The following HTR3C variants were observed in gnomAD, a reference collection of about 807,000 sequenced individuals.
HTR3C encodes the protein 5-hydroxytryptamine receptor 3C, also known as 5-HT3-C.
HTR3C carries 32 observed loss-of-function variants against 40.5 expected under a neutral mutation model. The ratio of observed to expected loss-of-function variants is 0.79; its 90% confidence interval spans 0.60 to 1.06. The LOEUF (loss-of-function observed/expected upper bound fraction) is 1.06. Ranked by LOEUF, HTR3C falls within the 50% of genes least tolerant of loss-of-function variation. The pLI, the probability that HTR3C is intolerant of heterozygous loss-of-function variation, is 0.00. For missense variants in HTR3C, 523 were observed against 556.8 expected, an observed-to-expected ratio of 0.94 and a Z score of 0.61; for synonymous variants, 209 against 217.1, an observed-to-expected ratio of 0.96 and a Z score of 0.33.
At position 184,060,537 on chromosome 3, in the gene HTR3C, G is replaced by T. The variant is rs542012738; in HGVS notation, c.*185G>T. 2 of 670,242 alleles carry T rather than the reference G, an allele frequency of 3.0e-6. No individual in the cohort carries two copies. The highest frequency in any genetic ancestry group is 2.8e-5 in the East Asian group (1 of 36,002). The allele number at this position is 670,242 out of a possible 1,614,324, so 41.5% of individuals were successfully genotyped here. On this transcript the variant is annotated 3_prime_UTR_variant, in exon 9 of 9. Transcript: ENST00000318351. ...GACAGCCCTGGACGATTTCCCGACCGCTGCTCAGGCTGCTCATTCCTGCTC... is the reference window on the plus strand; with the variant it reads ...GACAGCCCTGGACGATTTCCCGACCTCTGCTCAGGCTGCTCATTCCTGCTC...
At chr3:184,055,450 AC>A (rs1723303956) in intron 3 of HTR3C, 94 bp downstream of exon 3, 1 of 950,146 alleles carries the variant, frequency 1.1e-6, no homozygotes. Context: ...GCAGTGGCTC[AC>A]GCCTGTAATC....
rs201594742 is a variant in HTR3C at position 184,059,492 on chromosome 3, C to G, written c.777C>G (p.Ser259Arg). 1 of 1,614,198 alleles carries G rather than the reference C, an allele frequency of 6.2e-7. No homozygotes were observed. Among genetic ancestry groups the G allele is most frequent in the South Asian group, 1.1e-5 (1 of 91,088 alleles). Residue 259 changes from serine to arginine, a missense_variant, in exon 7 of 9, where the codon AGC becomes AGG. Physicochemically the swap from Ser to Arg is moderately radical, Grantham distance 110 (BLOSUM62 -1). Transcript: ENST00000318351. ...LYIINLLVPS[S>R]FLVAIDALSF... Reference sequence around the variant, plus strand: ...TCATAAACCTGCTGGTGCCCAGTAGCTTTCTGGTTGCCATTGATGCCCTCA... The same window carrying G: ...TCATAAACCTGCTGGTGCCCAGTAGGTTTCTGGTTGCCATTGATGCCCTCA...
chr3:184,054,014 A>T (rs1723274605), intron 1 of HTR3C, among the ~76,000 whole-genome samples: 1 of 151,380 alleles, frequency 6.6e-6, no homozygotes, highest in Non-Finnish European at 1.5e-5. Flanking sequence ...CGGCCTCCCA[A>T]AGTGCTGGGA....
chr3:184,059,820 G>T lies in HTR3C; in HGVS notation c.926-8G>T. ...GCCTGGTTTATTTATAATTTGCTCT[G>T]CCCTCAGGTGTCTACTTCGCCCTGT... On this transcript the variant is annotated splice_region_variant and splice_polypyrimidine_tract_variant and intron_variant, in intron 7 of 8. Transcript: ENST00000318351. 1 of 1,613,944 alleles carries T rather than the reference G, an allele frequency of 6.2e-7. No individual in the cohort carries two copies. The highest frequency in any genetic ancestry group is 8.5e-7 in the Non-Finnish European group (1 of 1,179,918).
chr3:184,060,509 C>T lies in HTR3C; in HGVS notation c.*157C>T. On this transcript the variant is annotated 3_prime_UTR_variant, in exon 9 of 9. Transcript: ENST00000318351. ...CCAACGCAGCACTAGCAAGCAGGTT[C>T]GGGACAGCCCTGGACGATTTCCCGA... 1.1e-6 allele frequency: 1 copy of T among 913,786 alleles called. No individual in the cohort carries two copies. The highest frequency in any genetic ancestry group is 1.7e-6 in the Non-Finnish European group (1 of 596,236). The allele number at this position is 913,786 out of a possible 1,614,324, so 56.6% of individuals were successfully genotyped here.
At chr3:184,054,975 G>A (rs1418326911) in intron 2 of HTR3C, 88 bp downstream of exon 2, 8 of 1,362,238 alleles carry the variant, frequency 5.9e-6, no homozygotes, top group East Asian at 4.7e-5. Context: ...CCCTGGCCCC[G>A]TGGTGAACAA....
At chr3:184,055,278 C>A in intron 2 of HTR3C, 34 bp from the exon 3 acceptor site, 1 of 1,514,012 alleles carries the variant, frequency 6.6e-7, no homozygotes, top group Non-Finnish European at 9.2e-7. Context: ...AACCTTTTAA[C>A]ACTAATAATC....
intron 4 of HTR3C, among the ~76,000 whole-genome samples, chr3:184,056,665 T>C (rs903711720): frequency 5.3e-5 from 8 of 152,254 alleles, no homozygotes; most frequent in African/African-American, 1.7e-4. Flanking sequence ...GGAGAATTGC[T>C]TGAACCTGGG....
chr3:184,053,578 C>A (rs529929388), intron 1 of HTR3C, among the ~76,000 whole-genome samples: 4 of 152,230 alleles, frequency 2.6e-5, no homozygotes, highest in African/African-American at 7.2e-5. Flanking sequence ...TGTTCCCAAT[C>A]TGGACACATA....
chr3:184,059,550 G>C lies in HTR3C; in HGVS notation c.835G>C (p.Ala279Pro), dbSNP rs555482484. The stretch of plus-strand genomic sequence containing the variant: ...CCTGCCAGCAGAGAGCGAGAATCGT[G>C]CCCCATTCAAGATAACACTTCTGCT... Reference protein sequence around the residue: ...FYLPAESENRAPFKITLLLGY... With the variant: ...FYLPAESENRPPFKITLLLGY... The change falls in exon 7 of 9, where the codon GCC (alanine) becomes CCC (proline). Residue 279 changes from alanine (A) to proline (P), a missense_variant. Transcript: ENST00000318351. The C allele has an allele frequency of 1.2e-6, 2 of 1,614,100 alleles. No individual in the cohort carries two copies. The highest frequency in any genetic ancestry group is 2.7e-5 in the African/African-American group (2 of 75,000).
At chr3:184,055,711 TCACA>T (rs10561752) in intron 3 of HTR3C, among the ~76,000 whole-genome samples, 39 of 145,384 alleles carry the variant, frequency 2.7e-4, no homozygotes, top group African/African-American at 6.9e-4. Context: ...CGAAACTCCA[TCACA>T]CACACACACA....
chr3:184,059,414 A>G (rs746862647), intron 6 of HTR3C, 22 bp from the exon 7 acceptor site: 4 of 1,609,642 alleles, frequency 2.5e-6, no homozygotes, highest in African/African-American at 1.3e-5. Flanking sequence ...TTTATTTGCC[A>G]TCTTCTCCGG....
At chr3:184,058,376 G>A in intron 5 of HTR3C, 51 bp from the exon 6 acceptor site, 2 of 1,509,810 alleles carry the variant, frequency 1.3e-6, no homozygotes, top group Non-Finnish European at 1.8e-6. Flanking sequence ...AATTTCGTGG[G>A]CGGGAGGCTT....
chr3:184,056,997 T>G lies in HTR3C; in HGVS notation c.512T>G (p.Phe171Cys). 1.9e-6 allele frequency: 3 copies of G among 1,613,814 alleles called. No individual in the cohort carries two copies. The highest frequency in any genetic ancestry group is 2.5e-6 in the Non-Finnish European group (3 of 1,179,740). Reference sequence around the variant, plus strand: ...AACCTGGACATCTTCTACTTCCCTTTTGACCAACAGAACTGTACCTTCACC... The same window carrying G: ...AACCTGGACATCTTCTACTTCCCTTGTGACCAACAGAACTGTACCTTCACC... The part of the protein sequence containing the change: ...ICNLDIFYFP[F>C]DQQNCTFTFS... The change falls in exon 5 of 9, where the codon TTT (phenylalanine) becomes TGT (cysteine). Residue 171 changes from phenylalanine to cysteine, a missense_variant. Phe to Cys is a radical substitution (Grantham distance 205). Transcript: ENST00000318351.
chr3:184,053,902 G>T (rs1319432779), intron 1 of HTR3C, among the ~76,000 whole-genome samples: 1 of 152,160 alleles, frequency 6.6e-6, no homozygotes, highest in African/African-American at 2.4e-5. Context: ...TTACAGGCGA[G>T]CGCCACTATG....
Position 184,058,640 on chromosome 3 carries a change from C to T in HTR3C, c.720+53C>T, listed in dbSNP as rs945539683. 8 of 1,571,394 alleles carry T rather than the reference C, an allele frequency of 5.1e-6. No individual in the cohort carries two copies. In the African/African-American group the frequency reaches 8.3e-5, roughly 16 times the overall value. On this transcript the variant is annotated intron_variant, in intron 6 of 8. Transcript: ENST00000318351. The stretch of plus-strand genomic sequence containing the variant: ...CTGATCCCAGCAGCTCTTTGATTGT[C>T]CTCTTGACCTATGGCTCTTTGGGAA...
chr3:184,059,557 T>C lies in HTR3C; in HGVS notation c.842T>C (p.Phe281Ser), dbSNP rs147235961. 1.9e-6 allele frequency: 3 copies of C among 1,614,052 alleles called. No homozygotes were observed. The highest frequency in any genetic ancestry group is 2.5e-6 in the Non-Finnish European group (3 of 1,180,008). ...GCAGAGAGCGAGAATCGTGCCCCAT[T>C]CAAGATAACACTTCTGCTGGGCTAC... ...LPAESENRAPFKITLLLGYNV... is the reference protein window; with the variant it reads ...LPAESENRAPSKITLLLGYNV... The change falls in exon 7 of 9, where the codon TTC becomes TCC. Residue 281 changes from phenylalanine (F) to serine (S), a missense_variant. Coordinates refer to ENST00000318351, the MANE Select transcript of HTR3C (RefSeq NM_130770.3).
In HTR3C at chr3:184,055,345, T is replaced by A; in HGVS notation, c.268T>A (p.Trp90Arg). ...AQLQLLTSFL[W>R]MDLVWDNPFI... ...GCTCCAGCTGCTGACATCATTCCTGTGGATGGATTTGGTAAGGCAGATTCA... is the reference window on the plus strand; with the variant it reads ...GCTCCAGCTGCTGACATCATTCCTGAGGATGGATTTGGTAAGGCAGATTCA... Residue 90 changes from tryptophan to arginine, a missense_variant, in exon 3 of 9, where the codon TGG (tryptophan) becomes AGG (arginine). Transcript: ENST00000318351. The A allele has an allele frequency of 6.2e-7, 1 of 1,606,312 alleles. No homozygotes were observed. The highest frequency in any genetic ancestry group is 8.5e-7 in the Non-Finnish European group (1 of 1,172,850).
rs757936014 is a variant in HTR3C, at chr3:184,055,335, A to G, written c.258A>G (p.Thr86=). ...LGVDAQLQLL[T]SFLWMDLVWD... is the part of the protein sequence containing the mutation. Reference sequence around the variant, plus strand: ...AGGATGCACAGCTCCAGCTGCTGACATCATTCCTGTGGATGGATTTGGTAA... The same window carrying G: ...AGGATGCACAGCTCCAGCTGCTGACGTCATTCCTGTGGATGGATTTGGTAA... The change falls in exon 3 of 9, where the codon ACA becomes ACG. Residue 86 remains threonine (T), a synonymous_variant. Coordinates refer to ENST00000318351, the MANE Select transcript of HTR3C (RefSeq NM_130770.3). The G allele has an allele frequency of 1.4e-5, 22 of 1,609,766 alleles. No individual in the cohort carries two copies. Among genetic ancestry groups the G allele is most frequent in the Non-Finnish European group, 1.7e-5 (20 of 1,176,120 alleles).
Sources: gnomAD v4.1 joint callset for allele counts (sites outside exome capture counted in the v4.1 genomes callset) on GRCh38, gnomAD v4.1.1 for gene constraint, MANE v1.5 for transcripts, NCBI Gene and HGNC (gene_info 2026-07-23, HGNC 2026-07-21) for gene names.